Variants in CERS6 observed in about 807,000 individuals in gnomAD.
CERS6 encodes the protein ceramide synthase 6.
CERS6 carries 26 observed loss-of-function variants against 56.8 expected under a neutral mutation model. The observed-to-expected ratio is 0.46, with a 90% CI of 0.34 to 0.63. CERS6 has a LOEUF of 0.63. CERS6 is among the 30% of genes least tolerant of loss of function. The pLI, the probability that CERS6 is intolerant of heterozygous loss-of-function variation, is 0.01. For synonymous variants in CERS6, 164 were observed against 173.3 expected (o/e 0.95, Z 0.42); for missense variants, 415 against 467.5 (o/e 0.89, Z 1.04).
At chr2:168,759,353 G>C (rs1005260539) in intron 8 of CERS6, among the ~76,000 whole-genome samples, 6 of 152,130 alleles carry the variant, frequency 3.9e-5, no homozygotes, top group African/African-American at 1.4e-4. Context: ...CTTGGCAAAA[G>C]GTTTGGGCAG....
At chr2:168,762,324 A>T (rs1162997881) in intron 8 of CERS6, among the ~76,000 whole-genome samples, 2 of 152,196 alleles carry the variant, frequency 1.3e-5, no homozygotes, top group African/African-American at 2.4e-5. Flanking sequence ...ATTTGAAATT[A>T]AGTCTCTGAC....
At chr2:168,576,062 T>C (rs1387663869) in intron 3 of CERS6, among the ~76,000 whole-genome samples, 1 of 151,994 alleles carries the variant, frequency 6.6e-6, no homozygotes, top group African/African-American at 2.4e-5. Context: ...TAGAGTTAGG[T>C]AAGTCTCTCC....
At chr2:168,724,533 A>G (rs1171168546) in intron 8 of CERS6, among the ~76,000 whole-genome samples, 3 of 151,936 alleles carry the variant, frequency 2.0e-5, no homozygotes, top group Non-Finnish European at 2.9e-5. Flanking sequence ...TGCTTTTACA[A>G]TCTCTGAGCT....
chr2:168,535,368 G>T (rs1396130135), intron 1 of CERS6, among the ~76,000 whole-genome samples: 1 of 152,164 alleles, frequency 6.6e-6, no homozygotes, highest in Non-Finnish European at 1.5e-5. Context: ...TGATCCATGG[G>T]TTGCACCATT....
At chr2:168,522,922 C>T (rs1695007165) in intron 1 of CERS6, among the ~76,000 whole-genome samples, 1 of 152,110 alleles carries the variant, frequency 6.6e-6, no homozygotes, top group Non-Finnish European at 1.5e-5. Context: ...TTTCTAACTA[C>T]TCAAGTAGAT....
chr2:168,481,837 C>T (rs1423281146), intron 1 of CERS6, among the ~76,000 whole-genome samples: 1 of 152,144 alleles, frequency 6.6e-6, no homozygotes, highest in Non-Finnish European at 1.5e-5. Context: ...CCTCTTGTGT[C>T]TTGATGAATT....
intron 8 of CERS6, among the ~76,000 whole-genome samples, chr2:168,730,705 C>G (rs1683503954): frequency 6.6e-6 from 1 of 151,952 alleles, no homozygotes; most frequent in South Asian, 2.1e-4. Context: ...ATGTAACTAT[C>G]TTAAGTACTT....
At chr2:168,727,834 T>C (rs1683392605) in intron 8 of CERS6, among the ~76,000 whole-genome samples, 1 of 152,216 alleles carries the variant, frequency 6.6e-6, no homozygotes, top group Non-Finnish European at 1.5e-5. Flanking sequence ...TTAAATATAT[T>C]AGAAAGATTT....
At chr2:168,678,182 C>G (rs1438472900) in intron 4 of CERS6, among the ~76,000 whole-genome samples, 3 of 152,198 alleles carry the variant, frequency 2.0e-5, no homozygotes, top group Non-Finnish European at 4.4e-5. Context: ...AACACAGTGA[C>G]AAAGGCAAAC....
intron 1 of CERS6, among the ~76,000 whole-genome samples, chr2:168,517,082 A>G (rs1694896170): frequency 6.6e-6 from 1 of 152,066 alleles, no homozygotes; most frequent in South Asian, 2.1e-4. Context: ...CTGATTTGGA[A>G]GAGTCTTATA....
chr2:168,541,578 A>G (rs1695371093), intron 1 of CERS6, among the ~76,000 whole-genome samples: 1 of 151,588 alleles, frequency 6.6e-6, no homozygotes, highest in African/African-American at 2.4e-5. Context: ...TTCTTCATCA[A>G]CCTATTAGAT....
At chr2:168,507,277 T>A (rs1357316147) in intron 1 of CERS6, among the ~76,000 whole-genome samples, 1 of 152,168 alleles carries the variant, frequency 6.6e-6, no homozygotes, top group Admixed American at 6.5e-5. Flanking sequence ...AATAGGCCTT[T>A]TTCCTATCTT....
rs553948003 is a variant in CERS6 at position 168,635,394 on chromosome 2, G to A, written c.465+4352G>A. Among the ~76,000 whole-genome samples, 6 of 152,274 alleles carry A rather than the reference G, an allele frequency of 3.9e-5. No homozygotes were observed. The South Asian group carries it at 8.3e-4, about 21-fold the overall frequency. On this transcript the variant is annotated intron_variant, in intron 4 of 9. Coordinates refer to ENST00000305747, the MANE Select transcript of CERS6 (RefSeq NM_203463.3). Reference sequence around the variant, plus strand: ...GGAGTGAAGATGCACTGCTGGGTGGGTGTGGAGGCAGGGGATGAACGTGAT... The same window carrying A: ...GGAGTGAAGATGCACTGCTGGGTGGATGTGGAGGCAGGGGATGAACGTGAT...
chr2:168,574,636 A>T (rs562739316), intron 3 of CERS6, among the ~76,000 whole-genome samples: 60 of 152,216 alleles, frequency 3.9e-4, no homozygotes, highest in Non-Finnish European at 7.9e-4. Flanking sequence ...CGTGTAAAGC[A>T]CCTACGATAT....
intron 1 of CERS6, among the ~76,000 whole-genome samples, chr2:168,507,595 G>A (rs1694701374): frequency 6.6e-6 from 1 of 152,158 alleles, no homozygotes; most frequent in African/African-American, 2.4e-5. Context: ...TCATGCTAGT[G>A]TATGCCAGGT....
intron 7 of CERS6, among the ~76,000 whole-genome samples, chr2:168,716,868 T>G (rs1687239600): frequency 2.0e-5 from 3 of 152,154 alleles, no homozygotes; most frequent in African/African-American, 7.2e-5. Flanking sequence ...ATTTAAAGCT[T>G]TTAAATTATA....
intron 1 of CERS6, among the ~76,000 whole-genome samples, chr2:168,482,253 A>G (rs1466664152): frequency 3.3e-5 from 5 of 152,232 alleles, no homozygotes; most frequent in African/African-American, 9.6e-5. Context: ...AATGCATGCT[A>G]ATTTCCCATT....
intron 4 of CERS6, among the ~76,000 whole-genome samples, chr2:168,635,947 T>A (rs1051934693): frequency 2.0e-5 from 3 of 152,054 alleles, no homozygotes; most frequent in Non-Finnish European, 4.4e-5. Flanking sequence ...AAGATTGTAA[T>A]TTTTTTTGCC....
In CERS6 at chr2:168,630,248, A is replaced by G. The variant is rs144998916; in HGVS notation, c.408-737A>G. Among the ~76,000 whole-genome samples, 1,020 of 152,154 alleles carry G rather than the reference A, an allele frequency of 6.7e-3. 13 individuals carry two copies. The highest frequency in any genetic ancestry group is 0.023 in the African/African-American group (952 of 41,500). On this transcript the variant is annotated intron_variant, in intron 3 of 9. Transcript: ENST00000305747. The stretch of plus-strand genomic sequence containing the variant: ...CGTAGCTATTCATACTCGGAAGTAC[A>G]AGAAATAAAATTGGGAATTTAGTAC...
Sources: gnomAD v4.1 joint callset for allele counts (sites outside exome capture counted in the v4.1 genomes callset) on GRCh38, gnomAD v4.1.1 for gene constraint, MANE v1.5 for transcripts, NCBI Gene and HGNC (gene_info 2026-07-23, HGNC 2026-07-21) for gene names.